Variants in KYNU observed in about 807,000 individuals in gnomAD.
KYNU encodes kynureninase, also known as L-kynurenine hydrolase.
KYNU carries 54 observed loss-of-function variants against 59.2 expected under a neutral mutation model. The observed-to-expected ratio is 0.91, with a 90% CI of 0.73 to 1.14. KYNU has a LOEUF of 1.14. KYNU is among the 50% of genes most tolerant of loss of function. KYNU has a pLI of 0.00. For synonymous variants in KYNU, 177 were observed against 192.0 expected (o/e 0.92, Z 0.65); for missense variants, 567 against 554.4 (o/e 1.02, Z -0.23).
chr2:142,885,314 T>C, intron 1 of KYNU, 35 bp from the exon 2 acceptor site: 3 of 1,565,166 alleles, frequency 1.9e-6, no homozygotes, highest in South Asian at 1.1e-5. Context: ...AGGAAAATTA[T>C]GGTGGCTAGA....
chr2:142,943,822 G>GA lies in KYNU; in HGVS notation c.374-10983dup, dbSNP rs1683686496. Among the ~76,000 whole-genome samples, 4 of 152,244 alleles carry GA rather than the reference G, an allele frequency of 2.6e-5. No homozygotes were observed. The South Asian group carries it at 8.3e-4, about 32-fold the overall frequency. ...TAAAGGCTGCTGAAATTTGTTACTT[G>GA]AAAAATGGAATGTAAAGTTCTTGGA... On this transcript the variant is annotated intron_variant, in intron 4 of 13. Transcript: ENST00000264170.
At chr2:142,894,442 G>T (rs1025891708) in intron 2 of KYNU, among the ~76,000 whole-genome samples, 2 of 152,082 alleles carry the variant, frequency 1.3e-5, no homozygotes, top group Non-Finnish European at 2.9e-5. Context: ...ATAGTAAAAA[G>T]AATATACTTT....
chr2:142,914,600 C>G (rs926127192), intron 2 of KYNU, among the ~76,000 whole-genome samples: 4 of 152,208 alleles, frequency 2.6e-5, no homozygotes, highest in African/African-American at 9.6e-5. Flanking sequence ...TTTCCAAGAA[C>G]ATGTGCTCAC....
chr2:142,966,309 G>T (rs1318781567), intron 8 of KYNU, among the ~76,000 whole-genome samples: 1 of 152,128 alleles, frequency 6.6e-6, no homozygotes, highest in Non-Finnish European at 1.5e-5. Context: ...ATTAATTCAG[G>T]TTTCCAAAAG....
chr2:143,046,988 C>T lies in KYNU; in HGVS notation c.*4816C>T, dbSNP rs1687176415. The T allele has an allele frequency of 1.3e-5, 2 of 152,004 alleles. No homozygotes were observed. Among genetic ancestry groups the T allele is most frequent in the Admixed American group, 1.3e-4 (2 of 15,232 alleles). The allele number at this position is 152,004 out of a possible 1,614,324, so 9.4% of individuals were successfully genotyped here. A position where few individuals can be genotyped will look rare whatever the true frequency, so the allele number is the denominator to read the frequency against. On this transcript the variant is annotated 3_prime_UTR_variant, in exon 14 of 14. Transcript: ENST00000264170. ...AATGCTTCTCAAAATTTTTTATTTT[C>T]TCTATTATGGAAACGCACATTTATA...
intron 10 of KYNU, among the ~76,000 whole-genome samples, chr2:143,016,167 G>A (rs1057004290): frequency 5.9e-5 from 9 of 152,256 alleles, no homozygotes; most frequent in East Asian, 5.8e-4. Context: ...GAAAGTGGAC[G>A]TCTGTACAGA....
In KYNU at chr2:142,964,909, C is replaced by G. The variant is rs960864034; in HGVS notation, c.729+4139C>G. Among the ~76,000 whole-genome samples the G allele has an allele frequency of 1.3e-5, 2 of 152,174 alleles. 1 individual carries two copies. The highest frequency in any genetic ancestry group is 4.1e-4 in the South Asian group (2 of 4,832). On this transcript the variant is annotated intron_variant, in intron 8 of 13. Transcript: ENST00000264170. ...AAGAGACATCAGTTTGAAGATGCTT[C>G]TTCAAGATGAAGATGTGCCAACCCA...
intron 8 of KYNU, among the ~76,000 whole-genome samples, chr2:142,979,596 A>G (rs1684995346): frequency 6.6e-6 from 1 of 152,024 alleles, no homozygotes; most frequent in Admixed American, 6.6e-5. Flanking sequence ...GTAAATAGAG[A>G]GAAGTCTATA....
intron 2 of KYNU, among the ~76,000 whole-genome samples, chr2:142,908,517 C>T (rs1425020435): frequency 6.6e-6 from 1 of 151,464 alleles, no homozygotes; most frequent in Non-Finnish European, 1.5e-5. Context: ...AAAAATATGC[C>T]TATATTAGAG....
chr2:142,933,386 C>A (rs1304906239), intron 4 of KYNU, among the ~76,000 whole-genome samples: 1 of 152,130 alleles, frequency 6.6e-6, no homozygotes, highest in African/African-American at 2.4e-5. Context: ...ATAGGCTGTG[C>A]AGATTTTTAA....
chr2:142,883,227 G>A (rs1008303928), intron 1 of KYNU, among the ~76,000 whole-genome samples: 73 of 108,590 alleles, frequency 6.7e-4, no homozygotes, highest in Non-Finnish European at 9.3e-4. Context: ...ATGGAGTCTC[G>A]CTGTCGCCCA....
intron 4 of KYNU, among the ~76,000 whole-genome samples, chr2:142,950,844 C>G (rs935402724): frequency 6.6e-6 from 1 of 152,278 alleles, no homozygotes; most frequent in South Asian, 2.1e-4. Flanking sequence ...TAATCATGTC[C>G]AGCTTTTGAT....
In KYNU at chr2:142,902,881, C is replaced by T. The variant is rs146934397; in HGVS notation, c.170-15728C>T. Among the ~76,000 whole-genome samples the T allele has an allele frequency of 7.7e-3, 1,178 of 152,246 alleles. 10 individuals carry two copies. The highest frequency in any genetic ancestry group is 0.02 in the Middle Eastern group (6 of 294). On this transcript the variant is annotated intron_variant, in intron 2 of 13. Transcript: ENST00000264170. Reference sequence around the variant, plus strand: ...GTAAAACAGTCCAGGTGAGTTGAGACATTGGGTTTGAAGCATCTTTAAAGG... The same window carrying T: ...GTAAAACAGTCCAGGTGAGTTGAGATATTGGGTTTGAAGCATCTTTAAAGG...
chr2:142,996,581 T>C (rs1685552515), intron 10 of KYNU, among the ~76,000 whole-genome samples: 1 of 151,992 alleles, frequency 6.6e-6, no homozygotes, highest in South Asian at 2.1e-4. Context: ...AAAGATGAAA[T>C]GTAAGCTAAC....
At chr2:143,003,390 C>T (rs1685767059) in intron 10 of KYNU, among the ~76,000 whole-genome samples, 1 of 151,958 alleles carries the variant, frequency 6.6e-6, no homozygotes, top group Admixed American at 6.6e-5. Flanking sequence ...ATGGTGAAAC[C>T]CCGTCTCTAC....
At chr2:143,036,424 G>A (rs1332613678) in intron 12 of KYNU, among the ~76,000 whole-genome samples, 1 of 152,048 alleles carries the variant, frequency 6.6e-6, no homozygotes, top group Admixed American at 6.6e-5. Context: ...AGACGTAAAG[G>A]TAGAGGGTAA....
chr2:142,916,278 C>T (rs12992122), intron 2 of KYNU, among the ~76,000 whole-genome samples: 4,200 of 152,106 alleles, frequency 0.028, 124 homozygotes, highest in African/African-American at 0.076. Flanking sequence ...TTTAACATGC[C>T]CAATCTGTGC....
chr2:142,918,590 G>C lies in KYNU; in HGVS notation c.170-19G>C. The C allele has an allele frequency of 1.1e-6, 1 of 871,908 alleles. No homozygotes were observed. The highest frequency in any genetic ancestry group is 2.5e-5 in the African/African-American group (1 of 40,312). 54.0% of individuals were successfully genotyped at this position (871,908 alleles called of 1,614,324 possible). A position where few individuals can be genotyped will look rare whatever the true frequency, so the allele number is the denominator to read the frequency against. ...AGCTTTTATTTTTTTTTTTTTTTTT[G>C]ACATTTCTTCTGTTTCAGTTGATTT... On this transcript the variant is annotated intron_variant, in intron 2 of 13. Coordinates refer to ENST00000264170, the MANE Select transcript of KYNU (RefSeq NM_003937.3).
At chr2:142,902,576 A>G (rs1192234478) in intron 2 of KYNU, among the ~76,000 whole-genome samples, 1 of 152,162 alleles carries the variant, frequency 6.6e-6, no homozygotes, top group East Asian at 1.9e-4. Flanking sequence ...GGCTGGATAC[A>G]TTTCTTACTG....
Sources: allele counts gnomAD v4.1 joint callset (sites outside exome capture counted in the v4.1 genomes callset), GRCh38; gene constraint gnomAD v4.1.1; transcripts MANE v1.5; gene names NCBI Gene and HGNC (gene_info 2026-07-23, HGNC 2026-07-21).